Variants in GRXCR2 observed in about 807,000 individuals in gnomAD.
GRXCR2 encodes glutaredoxin and cysteine rich domain containing 2.
A neutral mutation model predicts 24.8 loss-of-function variants in GRXCR2; 23 were observed. That is an observed-to-expected ratio of 0.93 (90% CI 0.67 to 1.32). The LOEUF is 1.32. Ranked by LOEUF, GRXCR2 falls within the 40% of genes most tolerant of loss-of-function variation. GRXCR2 has a pLI of 0.00. For synonymous variants in GRXCR2, 130 were observed against 116.1 expected, an observed-to-expected ratio of 1.12 and a Z score of -0.77; for missense variants, 315 against 303.4, an observed-to-expected ratio of 1.04 and a Z score of -0.28.
chr5:145,914,087 A>G (rs753435064), intron 2 of GRXCR2, among the ~76,000 whole-genome samples: 50 of 152,172 alleles, frequency 3.3e-4, no homozygotes, highest in Non-Finnish European at 6.0e-4. Flanking sequence ...GAGCGCAGCA[A>G]CTAAGGAGTG....
At chr5:145,866,099 G>A (rs1309327265) in intron 2 of GRXCR2, among the ~76,000 whole-genome samples, 2 of 142,212 alleles carry the variant, frequency 1.4e-5, no homozygotes, top group African/African-American at 2.6e-5. Flanking sequence ...ACGCCATTGA[G>A]ATCCTGCCCA....
At chr5:145,897,373 A>AG (rs1756966322) in intron 2 of GRXCR2, among the ~76,000 whole-genome samples, 1 of 152,124 alleles carries the variant, frequency 6.6e-6, no homozygotes, top group East Asian at 1.9e-4. Context: ...ATAGTGGAGA[A>AG]CTTTAACACA....
intron 2 of GRXCR2, among the ~76,000 whole-genome samples, chr5:145,890,452 A>G (rs919385538): frequency 2.6e-5 from 4 of 152,230 alleles, no homozygotes; most frequent in African/African-American, 4.8e-5. Context: ...CACCAAATCT[A>G]TAAATTACTG....
intron 2 of GRXCR2, among the ~76,000 whole-genome samples, chr5:145,913,669 T>A (rs1030489380): frequency 6.6e-6 from 1 of 152,030 alleles, no homozygotes; most frequent in East Asian, 1.9e-4. Flanking sequence ...GGGACAAAGA[T>A]CTTTTCATTT....
chr5:145,870,203 G>A (rs1200036799), intron 1 of GRXCR2, among the ~76,000 whole-genome samples: 1 of 152,014 alleles, frequency 6.6e-6, no homozygotes, highest in African/African-American at 2.4e-5. Context: ...TTCCCAAATT[G>A]AAACTCTGTA....
At chr5:145,873,036 A>ATAAAATGCCTTTTTCTC, upstream of GRXCR2, 1 of 1,323,112 alleles carries the variant, frequency 7.6e-7, no homozygotes, top group Non-Finnish European at 1.1e-6. Flanking sequence ...CTCTGAGAAA[A>ATAAAATGCCTTTTTCTC]AGGCATTTTA....
At position 145,904,017 on chromosome 5, in the gene GRXCR2, C is replaced by A. The variant is rs568185018; in HGVS notation, c.-70+31684G>T. Among the ~76,000 whole-genome samples, 14 of 152,252 alleles carry A rather than the reference C, an allele frequency of 9.2e-5. No homozygotes were observed. In the South Asian group the frequency reaches 2.7e-3, roughly 29 times the overall value. On this transcript the variant is annotated intron_variant, in intron 2 of 3. Coordinates refer to the GRXCR2 transcript ENST00000639411. The stretch of plus-strand genomic sequence containing the variant: ...AATTTCACAACACTTTAGAGACATG[C>A]CCTGAAGTGGTTTAACAATCAGTTG...
chr5:145,904,894 G>T (rs1246418605), intron 2 of GRXCR2, among the ~76,000 whole-genome samples: 1 of 152,150 alleles, frequency 6.6e-6, no homozygotes, highest in African/African-American at 2.4e-5. Flanking sequence ...AGGGCGCATG[G>T]TTCTTCTCCC....
chr5:145,865,748 T>C (rs1490367), intron 2 of GRXCR2, among the ~76,000 whole-genome samples: 2,728 of 152,280 alleles, frequency 0.018, 58 homozygotes, highest in African/African-American at 0.054. Flanking sequence ...GCTAAACTAA[T>C]CTGCCAAATG....
At chr5:145,882,827 T>G (rs917081752) in intron 2 of GRXCR2, among the ~76,000 whole-genome samples, 4 of 152,084 alleles carry the variant, frequency 2.6e-5, no homozygotes, top group South Asian at 2.1e-4. Context: ...ATACACCATG[T>G]AATACTATGC....
At chr5:145,864,358 A>G (rs2149908883) in intron 2 of GRXCR2, among the ~76,000 whole-genome samples, 1 of 152,298 alleles carries the variant, frequency 6.6e-6, no homozygotes, top group East Asian at 1.9e-4. Flanking sequence ...AGGCCAGGCT[A>G]CACAGAGCTT....
intron 2 of GRXCR2, among the ~76,000 whole-genome samples, chr5:145,930,618 G>C (rs1214918959): frequency 6.6e-6 from 1 of 152,090 alleles, no homozygotes; most frequent in Non-Finnish European, 1.5e-5. Context: ...TATGGCAAAA[G>C]GCATAAAGAT....
At chr5:145,888,790 A>T (rs1236898791) in intron 2 of GRXCR2, among the ~76,000 whole-genome samples, 1 of 152,230 alleles carries the variant, frequency 6.6e-6, no homozygotes, top group Non-Finnish European at 1.5e-5. Flanking sequence ...TCTTAAAAAC[A>T]TAAGTGAAGT....
chr5:145,914,611 G>T (rs1246850662), intron 2 of GRXCR2, among the ~76,000 whole-genome samples: 1 of 138,226 alleles, frequency 7.2e-6, no homozygotes, highest in African/African-American at 2.8e-5. Flanking sequence ...TGGAGGTGAA[G>T]GTTGCAGTGA....
intron 2 of GRXCR2, among the ~76,000 whole-genome samples, chr5:145,919,302 A>G (rs777558514): frequency 2.6e-5 from 4 of 152,156 alleles, no homozygotes; most frequent in Non-Finnish European, 5.9e-5. Context: ...CCAATGAGGA[A>G]CTCTTAAAAA....
At chr5:145,907,072 G>T (rs950359832) in intron 2 of GRXCR2, among the ~76,000 whole-genome samples, 1 of 152,094 alleles carries the variant, frequency 6.6e-6, no homozygotes, top group African/African-American at 2.4e-5. Flanking sequence ...GGCCGGGGTG[G>T]CTAAGGCATA....
At chr5:145,921,549 T>G (rs1757320834) in intron 2 of GRXCR2, among the ~76,000 whole-genome samples, 1 of 152,206 alleles carries the variant, frequency 6.6e-6, no homozygotes. Context: ...ATTAACTGAG[T>G]ATTCACCCAA....
chr5:145,893,740 C>A (rs1313399162), intron 2 of GRXCR2, among the ~76,000 whole-genome samples: 1 of 152,130 alleles, frequency 6.6e-6, no homozygotes, highest in Non-Finnish European at 1.5e-5. Flanking sequence ...ATAAATTTAA[C>A]AAGGATATCC....
intron 2 of GRXCR2, among the ~76,000 whole-genome samples, chr5:145,889,180 G>C (rs531075461): frequency 1.0e-5 from 1 of 95,740 alleles, no homozygotes; most frequent in Non-Finnish European, 2.2e-5. Flanking sequence ...AAAAAAGAAA[G>C]AAAGAAAGAA....
Sources: gnomAD v4.1 joint callset for allele counts (sites outside exome capture counted in the v4.1 genomes callset) on GRCh38, gnomAD v4.1.1 for gene constraint, MANE v1.5 for transcripts, NCBI Gene and HGNC (gene_info 2026-07-23, HGNC 2026-07-21) for gene names.